The following ZNF534 variants were observed in gnomAD, a reference collection of about 807,000 sequenced individuals.
ZNF534 encodes KRAB domain only 3.
ZNF534 carries 19 observed loss-of-function variants against 13.6 expected under a neutral mutation model. The observed-to-expected ratio is 1.40, with a 90% CI of 0.97 to 2.05. The LOEUF (loss-of-function observed/expected upper bound fraction) is 2.05, where lower values mean the gene tolerates loss of function less well. ZNF534 is among the 30% of genes most tolerant of loss of function. The pLI, the probability that ZNF534 is intolerant of heterozygous loss-of-function variation, is 0.00. For missense variants in ZNF534, 782 were observed against 796.3 expected (o/e 0.98, Z 0.22); for synonymous variants, 244 against 273.8 (o/e 0.89, Z 1.07).
intron 2 of ZNF534, among the ~76,000 whole-genome samples, chr19:52,432,813 G>C (rs570465212): frequency 6.6e-6 from 1 of 151,964 alleles, no homozygotes; most frequent in East Asian, 2.0e-4. Context: ...TTTGTATTTA[G>C]TAGAGATGGG....
rs779142471 is a variant in ZNF534 at position 52,438,102 on chromosome 19, C to A, written c.642C>A (p.Tyr214Ter). ...RQVIHIADKT[Y>*]KCSDCGEIFS... ...TAATCCACATTGCAGATAAAACTTACAAATGTAGTGACTGTGGCGAGATCT... is the reference window on the plus strand; with the variant it reads ...TAATCCACATTGCAGATAAAACTTAAAAATGTAGTGACTGTGGCGAGATCT... The change falls in exon 5 of 5, where the codon TAC becomes TAA. Residue 214 changes from tyrosine (Y) to a stop codon, truncating the protein, a stop_gained. Transcript: ENST00000433050. LOFTEE classifies it low-confidence loss of function (END_TRUNC). The A allele has an allele frequency of 1.2e-6, 2 of 1,614,134 alleles. No homozygotes were observed. Among genetic ancestry groups the A allele is most frequent in the African/African-American group, 1.3e-5 (1 of 75,048 alleles).
Position 52,433,926 on chromosome 19 carries a change from C to G in ZNF534, c.16-29C>G, listed in dbSNP as rs1426699982. On this transcript the variant is annotated intron_variant, in intron 2 of 4. Transcript: ENST00000433050. ...TGAAGATAAGTACTCTCTCCATACC[C>G]TGTTTTTGAAATGTGGATTTCCTTT... is the stretch of plus-strand genomic sequence containing the variant. The G allele has an allele frequency of 2.5e-6, 4 of 1,613,068 alleles. No homozygotes were observed. The African/African-American group carries it at 5.3e-5, about 22-fold the overall frequency.
At position 52,438,527 on chromosome 19, in the gene ZNF534, G is replaced by A. The variant is rs1194219283; in HGVS notation, c.1067G>A (p.Cys356Tyr). 1.9e-6 allele frequency: 3 copies of A among 1,584,058 alleles called. No homozygotes were observed. The highest frequency in any genetic ancestry group is 2.7e-5 in the African/African-American group (2 of 74,102). The change falls in exon 5 of 5, where the codon TGT becomes TAT. Residue 356 changes from cysteine to tyrosine, a missense_variant. By Grantham distance (194) the Cys-to-Tyr change is radical. Coordinates refer to ENST00000433050, the MANE Select transcript of ZNF534 (RefSeq NM_001143938.3). ...CATACTGGAGAGAGACCATACAAAT[G>A]TAATGAATGTGGCAAGGGGTTTAGT... is the stretch of plus-strand genomic sequence containing the variant. ...TVHTGERPYK[C>Y]NECGKGFSRI... is the part of the protein sequence containing the mutation.
Position 52,431,434 on chromosome 19 carries a change from G to T in ZNF534, c.-41G>T, listed in dbSNP as rs1013116185. On this transcript the variant is annotated 5_prime_UTR_variant, in exon 2 of 5. It removes an upstream start codon present in the reference 5' UTR. Transcript: ENST00000433050. ...ATTCACTTTCAAAGAGACATATTAT[G>T]CAAGGAAGCAACTCGGAAGAGGAAA... The T allele has an allele frequency of 3.7e-6, 6 of 1,613,458 alleles. No individual in the cohort carries two copies. Among genetic ancestry groups the T allele is most frequent in the Non-Finnish European group, 5.1e-6 (6 of 1,179,580 alleles).
intron 4 of ZNF534, among the ~76,000 whole-genome samples, chr19:52,436,864 T>C (rs2059131808): frequency 1.3e-5 from 2 of 152,182 alleles, no homozygotes; most frequent in Admixed American, 1.3e-4. Context: ...TTTAGTTTTC[T>C]ATTTCTGTTA....
intron 4 of ZNF534, among the ~76,000 whole-genome samples, chr19:52,435,936 CTTCTTT>C (rs1334615823): frequency 2.9e-4 from 6 of 20,784 alleles, no homozygotes; most frequent in South Asian, 1.6e-3. Context: ...TTTTCTTCTT[CTTCTTT>C]TTTTTTTTTT....
intron 4 of ZNF534, among the ~76,000 whole-genome samples, chr19:52,437,010 T>C (rs1031163579): frequency 1.3e-5 from 2 of 152,184 alleles, no homozygotes; most frequent in Non-Finnish European, 2.9e-5. Context: ...TTTTCAGTTA[T>C]TTTTTATAAT....
At chr19:52,443,254 G>A (rs1283278220), downstream of ZNF534, among the ~76,000 whole-genome samples, 1 of 152,110 alleles carries the variant, frequency 6.6e-6, no homozygotes, top group Non-Finnish European at 1.5e-5. Context: ...TTTTTGCGAT[G>A]AATTTCTCAT....
rs546527875 is a variant in ZNF534 at position 52,429,245 on chromosome 19, G to T, written c.-68+1G>T. On this transcript the variant is annotated splice_donor_variant, in intron 1 of 4. Coordinates refer to ENST00000433050, the MANE Select transcript of ZNF534 (RefSeq NM_001143938.3). LOFTEE classifies it low-confidence loss of function (5UTR_SPLICE). ...GGAAAGACTGTCTAAGCCGCCACTC[G>T]TGAGTTTGCCTTTGTCTAGATTAAA... The T allele has an allele frequency of 6.6e-6, 1 of 152,304 alleles. No individual in the cohort carries two copies. The highest frequency in any genetic ancestry group is 2.1e-4 in the South Asian group (1 of 4,830). The allele number at this position is 152,304 out of a possible 1,614,324, so 9.4% of individuals were successfully genotyped here.
At chr19:52,433,650 G>A (rs2059107480) in intron 2 of ZNF534, among the ~76,000 whole-genome samples, 2 of 152,372 alleles carry the variant, frequency 1.3e-5, no homozygotes, top group South Asian at 4.1e-4. Flanking sequence ...ACAGGCATGA[G>A]CCGCCGTGCC....
rs1463092823 is a variant in ZNF534, at chr19:52,440,788, AAAAAG to A, written c.*1345_*1349del. 6.6e-6 allele frequency among the ~76,000 whole-genome samples: 1 copy of A among 152,264 alleles called. No homozygotes were observed. Among genetic ancestry groups the A allele is most frequent in the African/African-American group, 2.4e-5 (1 of 41,538 alleles). On this transcript the variant is annotated 3_prime_UTR_variant, in exon 5 of 5. Coordinates refer to ENST00000433050, the MANE Select transcript of ZNF534 (RefSeq NM_001143938.3). The stretch of plus-strand genomic sequence containing the variant: ...AGTGAGATTCTGTCTCAAAAAAAAA[AAAAAG>A]AATTCATACTGGAAGGAAGCGTTAC...
At chr19:52,444,941 A>C (rs2059189035), downstream of ZNF534, among the ~76,000 whole-genome samples, 1 of 151,986 alleles carries the variant, frequency 6.6e-6, no homozygotes, top group African/African-American at 2.4e-5. Flanking sequence ...CCAACTACAA[A>C]AGCAAGTAAG....
At chr19:52,434,460 G>T (rs1384627878) in intron 3 of ZNF534, among the ~76,000 whole-genome samples, 1 of 44,436 alleles carries the variant, frequency 2.3e-5, no homozygotes, top group Non-Finnish European at 4.4e-5. Context: ...TCAAGACTCC[G>T]TCTCAAAAAA....
chr19:52,430,893 C>G (rs1467680268), intron 1 of ZNF534, among the ~76,000 whole-genome samples: 8 of 151,812 alleles, frequency 5.3e-5, no homozygotes, highest in South Asian at 2.1e-4. Flanking sequence ...CCCTGTCACC[C>G]AGGCTGGAGT....
At chr19:52,437,518 A>G (rs1015933150) in intron 4 of ZNF534, among the ~76,000 whole-genome samples, 1 of 152,090 alleles carries the variant, frequency 6.6e-6, no homozygotes. Flanking sequence ...CTTGGGAGGG[A>G]GAATTGCTTA....
rs569129363 is a variant in ZNF534, at chr19:52,439,992, T to C, written c.*546T>C. ...CTGAGGCAGGAGAATTGCTTGAACC[T>C]GGGAGGCAGAGGTTGTGATGAGCCG... On this transcript the variant is annotated 3_prime_UTR_variant, in exon 5 of 5. Transcript: ENST00000433050. 3.4e-4 allele frequency among the ~76,000 whole-genome samples: 52 copies of C among 152,118 alleles called. 2 individuals carry two copies. The South Asian group carries it at 6.7e-3, about 19-fold the overall frequency.
At chr19:52,450,841 C>T (rs1388819444) in intron 4 of ZNF534, among the ~76,000 whole-genome samples, 1 of 151,658 alleles carries the variant, frequency 6.6e-6, no homozygotes, top group Non-Finnish European at 1.5e-5. Flanking sequence ...TGCATGCCAC[C>T]GCACCTGGCT....
Position 52,438,291 on chromosome 19 carries a change from A to G in ZNF534, c.831A>G (p.Lys277=). 1 of 1,605,718 alleles carries G rather than the reference A, an allele frequency of 6.2e-7. No individual in the cohort carries two copies. The highest frequency in any genetic ancestry group is 1.1e-5 in the South Asian group (1 of 90,316). ...QKPYNNKECG[K]VFSHHAYLAQ... is the part of the protein sequence containing the mutation. ...CTTACAATAACAAAGAATGTGGGAA[A>G]GTCTTTAGTCACCATGCCTACCTTG... is the stretch of plus-strand genomic sequence containing the variant. Residue 277 remains lysine, a synonymous_variant, in exon 5 of 5, where the codon AAA becomes AAG. Coordinates refer to ENST00000433050, the MANE Select transcript of ZNF534 (RefSeq NM_001143938.3).
chr19:52,443,409 G>A (rs531853934), downstream of ZNF534, among the ~76,000 whole-genome samples: 19 of 152,120 alleles, frequency 1.2e-4, no homozygotes, highest in South Asian at 2.1e-3. Flanking sequence ...AGGTTTCATC[G>A]TTTAACATAA....
Sources: gnomAD v4.1 joint callset for allele counts (sites outside exome capture counted in the v4.1 genomes callset) on GRCh38, gnomAD v4.1.1 for gene constraint, MANE v1.5 for transcripts, NCBI Gene and HGNC (gene_info 2026-07-23, HGNC 2026-07-21) for gene names.